The following AP1G2 variants were observed in gnomAD, a reference collection of about 807,000 sequenced individuals.
AP1G2 encodes the protein adaptor related protein complex 1 subunit gamma 2.
AP1G2 carries 85 observed loss-of-function variants against 95.8 expected under a neutral mutation model. The ratio of observed to expected loss-of-function variants is 0.89; its 90% CI spans 0.74 to 1.06. AP1G2 has a LOEUF of 1.06. Ranked by LOEUF, AP1G2 falls within the 50% of genes least tolerant of loss-of-function variation. AP1G2 has a pLI of 0.00. For synonymous variants in AP1G2, 378 were observed against 400.0 expected (o/e 0.94, Z 0.66); for missense variants, 967 against 1,005.8 (o/e 0.96, Z 0.52).
At chr14:23,560,541 G>A in intron 19 of AP1G2, 123 bp from the exon 20 acceptor site, 1 of 994,846 alleles carries the variant, frequency 1.0e-6, no homozygotes, top group Non-Finnish European at 1.4e-6. Context: ...TAGTAACAAA[G>A]TAGACATGTA....
chr14:23,566,580 A>G lies in AP1G2; in HGVS notation c.311T>C (p.Ile104Thr). Residue 104 changes from isoleucine (I) to threonine (T), a missense_variant, in exon 3 of 22, where the codon ATT becomes ACT. Coordinates refer to ENST00000397120, the MANE Select transcript of AP1G2 (RefSeq NM_003917.5). ...LDERHDAHLL[I>T]TNSIKNDLSQ... ...CTCTCACTTCTTGATGCTGTTGGTA[A>G]TGAGCAGGTGGGCATCGTGCCTCTC... The G allele has an allele frequency of 6.2e-7, 1 of 1,614,156 alleles. No homozygotes were observed. Among genetic ancestry groups the G allele is most frequent in the Non-Finnish European group, 8.5e-7 (1 of 1,180,024 alleles).
Position 23,565,820 on chromosome 14 carries a change from C to T in AP1G2, c.641G>A (p.Arg214Gln), listed in dbSNP as rs775546256. Reference protein sequence around the residue: ...ERSPAALRHFRKVVPQLVHIL... With the variant: ...ERSPAALRHFQKVVPQLVHIL... ...CCTGCCCCTTCACCAGCCCACCTTT[C>T]GGAAGTGCCTGAGGGCTGCAGGGCT... The change falls in exon 6 of 22, where the codon CGA becomes CAA. Residue 214 changes from arginine to glutamine, a missense_variant. Physicochemically the swap from Arg to Gln is conservative, Grantham distance 43. Transcript: ENST00000397120. 31 of 1,582,312 alleles carry T rather than the reference C, an allele frequency of 2.0e-5. No individual in the cohort carries two copies. The highest frequency in any genetic ancestry group is 7.0e-5 in the South Asian group (6 of 85,354).
At position 23,567,768 on chromosome 14, in the gene AP1G2, C is replaced by G. The variant is rs1888774929; in HGVS notation, c.-35G>C. On this transcript the variant is annotated 5_prime_UTR_variant, in exon 1 of 22. Transcript: ENST00000397120. This position sits in a 1 kb window ranked among gnomAD's most constrained non-coding sequence, Gnocchi z 5.3. ...CTTCTGCCTCAACTCCGCTCCTCTG[C>G]CCCCCAGCGCTTCCTGGTACGGGGC... The G allele has an allele frequency of 4.0e-6, 4 of 1,004,070 alleles. No individual in the cohort carries two copies. The South Asian group carries it at 1.6e-4, about 40-fold the overall frequency. The allele number at this position is 1,004,070 out of a possible 1,614,324, so 62.2% of individuals were successfully genotyped here.
chr14:23,561,123 AG>A lies in AP1G2; in HGVS notation c.1993+172del, dbSNP rs1884366674. On this transcript the variant is annotated intron_variant, in intron 19 of 21. Coordinates refer to ENST00000397120, the MANE Select transcript of AP1G2 (RefSeq NM_003917.5). ...GGCCAGGGAAAGAAGTCTGGAACAA[AG>A]GGAAGACAGATGACCATGATTGACT... The A allele has an allele frequency of 4.5e-6, 6 of 1,342,876 alleles. No individual in the cohort carries two copies. The South Asian group carries it at 9.2e-5, about 21-fold the overall frequency. The allele number at this position is 1,342,876 out of a possible 1,614,324, so 83.2% of individuals were successfully genotyped here.
intron 4 of AP1G2, 27 bp downstream of exon 4, chr14:23,566,251 C>T (rs1263321809): frequency 6.2e-7 from 1 of 1,612,186 alleles, no homozygotes; most frequent in Admixed American, 1.7e-5. Flanking sequence ...TGTGCAGGAG[C>T]ACGTGCCAGG....
At chr14:23,564,312 G>A (rs1460609715) in intron 10 of AP1G2, 21 bp downstream of exon 10, 17 of 1,614,102 alleles carry the variant, frequency 1.1e-5, no homozygotes, top group Non-Finnish European at 1.4e-5. Context: ...CACAGCCTAG[G>A]TAGACAGTTG....
chr14:23,565,600 C>A lies in AP1G2; in HGVS notation c.741+6G>T, dbSNP rs201482707. On this transcript the variant is annotated splice_donor_region_variant and intron_variant, in intron 7 of 21. Coordinates refer to ENST00000397120, the MANE Select transcript of AP1G2 (RefSeq NM_003917.5). Reference sequence around the variant, plus strand: ...CCAGGGATACAGCAGTGAAAGGTCACCCCACCTGCAGGAAGGGGTCGCTGA... The same window carrying A: ...CCAGGGATACAGCAGTGAAAGGTCAACCCACCTGCAGGAAGGGGTCGCTGA... The A allele has an allele frequency of 8.3e-5, 134 of 1,611,300 alleles. No individual in the cohort carries two copies. Among genetic ancestry groups the A allele is most frequent in the Middle Eastern group, 1.6e-4 (1 of 6,080 alleles).
At chr14:23,566,803 T>TCTC in intron 2 of AP1G2, 117 bp from the exon 3 acceptor site, 2 of 1,411,214 alleles carry the variant, frequency 1.4e-6, no homozygotes, top group Non-Finnish European at 1.9e-6. Flanking sequence ...ATCTCATCAC[T>TCTC]CTCCCTTCAA....
chr14:23,562,205 G>C (rs1158410386), intron 16 of AP1G2, 83 bp downstream of exon 16: 6 of 1,597,718 alleles, frequency 3.8e-6, no homozygotes, highest in Non-Finnish European at 5.1e-6. Context: ...AGGGAGGGCT[G>C]GGCATGTATG....
At chr14:23,562,784 G>C (rs888232008) in intron 14 of AP1G2, 191 bp from the exon 15 acceptor site, 9 of 635,522 alleles carry the variant, frequency 1.4e-5, no homozygotes, top group Non-Finnish European at 1.6e-5. Flanking sequence ...AAGAAACACT[G>C]CTGGGCCAGT....
rs1426980886 is a variant in AP1G2 at position 23,562,555 on chromosome 14, C to T, written c.1449G>A (p.Glu483=). The T allele has an allele frequency of 6.2e-7, 1 of 1,614,196 alleles. No individual in the cohort carries two copies. The highest frequency in any genetic ancestry group is 1.7e-5 in the Admixed American group (1 of 60,024). The change falls in exon 15 of 22, where the codon GAG becomes GAA. Residue 483 remains glutamate, a synonymous_variant. Coordinates refer to ENST00000397120, the MANE Select transcript of AP1G2 (RefSeq NM_003917.5). ...TCCCTGCCAGCAGGAGGTCCCCATA[C>T]TCCCCAATGCACCAGGCTGCCACCT... is the stretch of plus-strand genomic sequence containing the variant. The part of the protein sequence containing the change: ...LVQVAAWCIG[E]YGDLLLAGNC...
Position 23,560,398 on chromosome 14 carries a change from C to CT in AP1G2, c.2013dup (p.Val672SerfsTer3), listed in dbSNP as rs753743594. On this transcript the variant is annotated frameshift_variant, in exon 20 of 22. Coordinates refer to ENST00000397120, the MANE Select transcript of AP1G2 (RefSeq NM_003917.5). LOFTEE classifies it high-confidence loss of function. The stretch of plus-strand genomic sequence containing the variant: ...AGCTGTACTCCCTCACGCTCAAACA[C>CT]TTTGAGATCTGGGATGGGAGCTGGA... 1.9e-6 allele frequency: 3 copies of CT among 1,613,536 alleles called. No individual in the cohort carries two copies. Among genetic ancestry groups the CT allele is most frequent in the Admixed American group, 1.7e-5 (1 of 59,948 alleles).
intron 5 of AP1G2, 46 bp downstream of exon 5, chr14:23,566,018 C>T (rs1446870411): frequency 6.2e-7 from 1 of 1,613,884 alleles, no homozygotes; most frequent in African/African-American, 1.3e-5. Context: ...TTCAATTCTT[C>T]TGTCCATAGA....
intron 18 of AP1G2, 34 bp downstream of exon 18, chr14:23,561,478 C>T (rs770786613): frequency 2.1e-5 from 34 of 1,613,968 alleles, no homozygotes; most frequent in Admixed American, 1.0e-4. Flanking sequence ...AAGCTCAGCC[C>T]GTCTTCCTAC....
chr14:23,564,901 A>G, intron 8 of AP1G2: 1 of 634,562 alleles, frequency 1.6e-6, no homozygotes, highest in East Asian at 2.7e-5. Flanking sequence ...CAACCATCCA[A>G]CAAAGTTCCC....
In AP1G2 at chr14:23,561,332, G is replaced by T; in HGVS notation, c.1957C>A (p.His653Asn). The T allele has an allele frequency of 6.4e-7, 1 of 1,573,360 alleles. No individual in the cohort carries two copies. The highest frequency in any genetic ancestry group is 8.6e-7 in the Non-Finnish European group (1 of 1,159,408). Residue 653 changes from histidine (H) to asparagine (N), a missense_variant, in exon 19 of 22, where the codon CAC (histidine) becomes AAC (asparagine). Transcript: ENST00000397120. Reference sequence around the variant, plus strand: ...GGTACACAGGGAAGGTCAAGCAGGTGTACCAGGGCACCTCCTGGGGAGGGG... The same window carrying T: ...GGTACACAGGGAAGGTCAAGCAGGTTTACCAGGGCACCTCCTGGGGAGGGG... ...LDPSPGGALV[H>N]LLDLPCVPPP...
chr14:23,560,192 T>C, intron 20 of AP1G2, 63 bp downstream of exon 20: 1 of 1,583,010 alleles, frequency 6.3e-7, no homozygotes, highest in South Asian at 1.1e-5. Flanking sequence ...ACCCACCTCC[T>C]CCACTTAGTG....
rs1311591192 is a variant in AP1G2 at position 23,563,544 on chromosome 14, G to C, written c.1287+40C>G. Reference sequence around the variant, plus strand: ...TGGCCAAGTCAGTGTGGTGAATCTTGACCACTTCTGCCCAGCTCTCTGACT... The same window carrying C: ...TGGCCAAGTCAGTGTGGTGAATCTTCACCACTTCTGCCCAGCTCTCTGACT... On this transcript the variant is annotated intron_variant, in intron 13 of 21. Transcript: ENST00000397120. 4.3e-6 allele frequency: 7 copies of C among 1,614,236 alleles called. No homozygotes were observed. In the South Asian group the frequency reaches 7.7e-5, roughly 18 times the overall value.
chr14:23,559,967 GGGT>G lies in AP1G2; in HGVS notation c.2224_2226del (p.Thr742del). On this transcript the variant is annotated inframe_deletion, in exon 21 of 22. Transcript: ENST00000397120. ...TTAGGATTGAGGATTCTGAAGAGCT[GGGT>G]GATAGGAAGGCCACCCCGAGCTGGA... 1 of 1,613,232 alleles carries G rather than the reference GGGT, an allele frequency of 6.2e-7. No individual in the cohort carries two copies. Among genetic ancestry groups the G allele is most frequent in the Non-Finnish European group, 8.5e-7 (1 of 1,179,482 alleles).
Sources: gnomAD v4.1 joint callset for allele counts on GRCh38, gnomAD v4.1.1 for gene constraint, Gnocchi (gnomAD v3.1) non-coding constraint, MANE v1.5 for transcripts, NCBI Gene and HGNC (gene_info 2026-07-23, HGNC 2026-07-21) for gene names.